TAS2R1: variants seen among roughly 807,000 people sequenced by gnomAD.
The protein encoded by TAS2R1 is taste 2 receptor member 1, also known as taste receptor type 2 member 1.
For missense variants in TAS2R1, 370 were observed against 353.4 expected, an observed-to-expected ratio of 1.05 and a Z score of -0.38; for synonymous variants, 141 against 134.2, an observed-to-expected ratio of 1.05 and a Z score of -0.35.
the TAS2R1 span, among the ~76,000 whole-genome samples, chr5:9,726,029 G>C: frequency 2.7e-5 from 4 of 149,604 alleles, no homozygotes; most frequent in South Asian, 4.3e-4. Flanking sequence ...CCTGTGTCTA[G>C]CTCAGGGTTT....
intron 2 of TAS2R1, among the ~76,000 whole-genome samples, chr5:9,651,170 T>G (rs1453311755): frequency 6.6e-6 from 1 of 152,166 alleles, no homozygotes; most frequent in Non-Finnish European, 1.5e-5. Context: ...TGTCATCAGC[T>G]CCTTTCAGAC....
At chr5:9,739,929 A>G in the TAS2R1 span, among the ~76,000 whole-genome samples, 1 of 152,206 alleles carries the variant, frequency 6.6e-6, no homozygotes, top group Admixed American at 6.5e-5. Flanking sequence ...CAGCAACTGA[A>G]TTAGTCCTCC....
the TAS2R1 span, among the ~76,000 whole-genome samples, chr5:9,857,990 G>A: frequency 1.3e-5 from 2 of 152,178 alleles, no homozygotes; most frequent in Non-Finnish European, 2.9e-5. Context: ...GGGTATTCTA[G>A]GGCTGGGGTG....
At chr5:9,873,938 G>A in the TAS2R1 span, among the ~76,000 whole-genome samples, 15 of 149,342 alleles carry the variant, frequency 1.0e-4, no homozygotes, top group African/African-American at 3.2e-4. Flanking sequence ...GGAGGGTAGG[G>A]GAGGGGGAGA....
chr5:9,692,670 T>C (rs1337584077), intron 1 of TAS2R1, among the ~76,000 whole-genome samples: 2 of 152,184 alleles, frequency 1.3e-5, no homozygotes, highest in Non-Finnish European at 2.9e-5. Flanking sequence ...ATTGTCTTCA[T>C]GACATAATGA....
chr5:9,675,106 A>C (rs1208991734), intron 1 of TAS2R1, among the ~76,000 whole-genome samples: 1 of 54,430 alleles, frequency 1.8e-5, no homozygotes, highest in Non-Finnish European at 3.8e-5. Flanking sequence ...AAATGAAATC[A>C]TATATATATA....
At chr5:9,885,983 G>A in the TAS2R1 span, among the ~76,000 whole-genome samples, 1 of 151,808 alleles carries the variant, frequency 6.6e-6, no homozygotes, top group Non-Finnish European at 1.5e-5. Context: ...GAAAACTGAG[G>A]GTGGTGCATA....
chr5:9,775,913 T>C, the TAS2R1 span, among the ~76,000 whole-genome samples: 2 of 152,194 alleles, frequency 1.3e-5, no homozygotes, highest in Non-Finnish European at 2.9e-5. Context: ...TGCCTGGAGT[T>C]GGGGTAGGGA....
At chr5:9,727,307 T>C in the TAS2R1 span, among the ~76,000 whole-genome samples, 1 of 152,232 alleles carries the variant, frequency 6.6e-6, no homozygotes, top group East Asian at 1.9e-4. Context: ...AAAGTGATCA[T>C]TGAATAAACA....
the TAS2R1 span, among the ~76,000 whole-genome samples, chr5:9,900,869 C>T: frequency 1.3e-5 from 2 of 152,074 alleles, no homozygotes; most frequent in Admixed American, 6.5e-5. Flanking sequence ...GTGATCCGCC[C>T]GCCTCGGCCT....
At chr5:9,691,626 T>A (rs1579785781) in intron 1 of TAS2R1, among the ~76,000 whole-genome samples, 1 of 152,234 alleles carries the variant, frequency 6.6e-6, no homozygotes, top group African/African-American at 2.4e-5. Context: ...AAAACTGGCA[T>A]GAAGACTGAA....
chr5:9,689,921 T>A (rs1376698000), intron 1 of TAS2R1, among the ~76,000 whole-genome samples: 1 of 152,082 alleles, frequency 6.6e-6, no homozygotes, highest in Admixed American at 6.6e-5. Context: ...GAGCTGGGAG[T>A]CAGCATCATT....
chr5:9,698,488 G>C (rs1456402315), intron 1 of TAS2R1, among the ~76,000 whole-genome samples: 1 of 152,146 alleles, frequency 6.6e-6, no homozygotes, highest in Non-Finnish European at 1.5e-5. Flanking sequence ...TGTACAGAAA[G>C]CATCTTTCTG....
At chr5:9,715,888 A>G (rs193196760), upstream of TAS2R1, among the ~76,000 whole-genome samples, 10 of 152,310 alleles carry the variant, frequency 6.6e-5, no homozygotes, top group Non-Finnish European at 1.5e-5. Context: ...TAAGTGGGAG[A>G]AAAGTAAAGC....
the TAS2R1 span, among the ~76,000 whole-genome samples, chr5:9,890,945 T>C: frequency 6.6e-6 from 1 of 152,196 alleles, no homozygotes; most frequent in Non-Finnish European, 1.5e-5. Context: ...GGGGACAGCA[T>C]CTGGGGCTTC....
chr5:9,701,391 C>T (rs1741481943), intron 1 of TAS2R1, among the ~76,000 whole-genome samples: 1 of 152,076 alleles, frequency 6.6e-6, no homozygotes, highest in South Asian at 2.1e-4. Flanking sequence ...GGTTGAGTAA[C>T]TTTCAGTTAC....
the TAS2R1 span, among the ~76,000 whole-genome samples, chr5:9,772,632 C>T: frequency 1.3e-5 from 2 of 151,934 alleles, no homozygotes; most frequent in African/African-American, 4.8e-5. Context: ...TGGGGCCTCT[C>T]TCTCTCTTTA....
chr5:9,847,655 A>G, the TAS2R1 span, among the ~76,000 whole-genome samples: 1 of 152,208 alleles, frequency 6.6e-6, no homozygotes, highest in East Asian at 1.9e-4. Flanking sequence ...AGCCAGCTGG[A>G]GTTGGTGCCA....
At chr5:9,684,949 A>T (rs957883276) in intron 1 of TAS2R1, among the ~76,000 whole-genome samples, 3 of 152,208 alleles carry the variant, frequency 2.0e-5, no homozygotes, top group Non-Finnish European at 4.4e-5. Flanking sequence ...TCTGTGAGGC[A>T]TCTTCCTCCC....
Sources: allele counts gnomAD v4.1 joint callset (sites outside exome capture counted in the v4.1 genomes callset), GRCh38; gene constraint gnomAD v4.1.1; transcripts MANE v1.5; gene names NCBI Gene and HGNC (gene_info 2026-07-23, HGNC 2026-07-21).